Variants in PPP6R2 observed in about 807,000 individuals in gnomAD.
PPP6R2 encodes the protein serine/threonine-protein phosphatase 6 regulatory subunit 2.
In PPP6R2, 62 loss-of-function variants were observed where a neutral mutation model predicts 100.2. The ratio of observed to expected loss-of-function variants is 0.62; its 90% confidence interval spans 0.50 to 0.76. PPP6R2 has a LOEUF of 0.76. Ranked by LOEUF, PPP6R2 falls within the 30% of genes least tolerant of loss-of-function variation. The pLI is 0.00. For synonymous variants in PPP6R2, 525 were observed against 514.7 expected (o/e 1.02, Z -0.27); for missense variants, 1,142 against 1,276.3 (o/e 0.89, Z 1.60).
chr22:50,430,452 A>G (rs931693321), intron 10 of PPP6R2, among the ~76,000 whole-genome samples: 1 of 152,270 alleles, frequency 6.6e-6, no homozygotes, highest in African/African-American at 2.4e-5. Context: ...TTAGAACTGA[A>G]GAATCATAAA....
chr22:50,436,287 G>A, intron 13 of PPP6R2, 80 bp from the exon 14 acceptor site: 1 of 1,272,826 alleles, frequency 7.9e-7, no homozygotes, highest in Middle Eastern at 2.6e-4. Flanking sequence ...GACCCAGGAT[G>A]CACCTGCCGG....
chr22:50,389,638 G>A (rs144900791), intron 2 of PPP6R2, among the ~76,000 whole-genome samples: 2,565 of 149,334 alleles, frequency 0.017, 36 homozygotes, highest in Non-Finnish European at 0.027. Context: ...TCGCTCTGTC[G>A]CCCAGGCTGG....
intron 3 of PPP6R2, among the ~76,000 whole-genome samples, chr22:50,395,924 G>A (rs544819436): frequency 1.3e-5 from 2 of 151,734 alleles, no homozygotes; most frequent in South Asian, 2.1e-4. Context: ...CTCGGGCATC[G>A]TGGCTCATAC....
chr22:50,438,717 GCCCCC>G lies in PPP6R2; in HGVS notation c.2084_2088del (p.Ala695GlyfsTer11). ...TGCACCTGGGGCAGGTGCCCCACCGGCCCCCGGGAAGAAGGAAGCGCCCCCTGTGG... is the reference window on the plus strand; with the variant it reads ...TGCACCTGGGGCAGGTGCCCCACCGGGGGAAGAAGGAAGCGCCCCCTGTGG... On this transcript the variant is annotated frameshift_variant, in exon 19 of 24. Coordinates refer to ENST00000612753, the MANE Select transcript of PPP6R2 (RefSeq NM_001242898.2). LOFTEE classifies it high-confidence loss of function. The G allele has an allele frequency of 6.2e-7, 1 of 1,612,702 alleles. No homozygotes were observed. The highest frequency in any genetic ancestry group is 8.5e-7 in the Non-Finnish European group (1 of 1,179,458).
chr22:50,375,011 A>G (rs1170144335), intron 2 of PPP6R2, among the ~76,000 whole-genome samples: 5 of 152,162 alleles, frequency 3.3e-5, no homozygotes, highest in African/African-American at 7.2e-5. Context: ...GTTAAGGTAA[A>G]GTTAAAAGAT....
intron 2 of PPP6R2, among the ~76,000 whole-genome samples, chr22:50,378,704 A>T (rs2052191396): frequency 7.0e-6 from 1 of 143,174 alleles, no homozygotes; most frequent in Non-Finnish European, 1.5e-5. Flanking sequence ...ACATGGTGAA[A>T]CCCCATCTCT....
At chr22:50,365,561 C>T (rs1940284654) in intron 1 of PPP6R2, among the ~76,000 whole-genome samples, 1 of 151,652 alleles carries the variant, frequency 6.6e-6, no homozygotes, top group African/African-American at 2.4e-5. Flanking sequence ...CGCCTGTAGT[C>T]CCAGCTACTC....
chr22:50,385,922 C>G (rs907637226), intron 2 of PPP6R2, among the ~76,000 whole-genome samples: 3 of 141,892 alleles, frequency 2.1e-5, no homozygotes, highest in African/African-American at 8.0e-5. Context: ...CTCCCCAGTT[C>G]ATGCCATTCT....
rs1429007986 is a variant in PPP6R2 at position 50,343,370 on chromosome 22, T to TCGGTCTCGAGC, written c.-325_-315dup. On this transcript the variant is annotated 5_prime_UTR_variant, in exon 1 of 24. Transcript: ENST00000612753. The stretch of plus-strand genomic sequence containing the variant: ...TCGGAGTGCCGCCCGCGGCCCCGAG[T>TCGGTCTCGAGC]CGGTCTCGAGCCGCCGGCCGGCCGT... The TCGGTCTCGAGC allele has an allele frequency of 1.3e-5, 2 of 149,636 alleles. No homozygotes were observed. Among genetic ancestry groups the TCGGTCTCGAGC allele is most frequent in the South Asian group, 2.0e-4 (1 of 4,968 alleles). The allele number at this position is 149,636 out of a possible 1,614,324, so 9.3% of individuals were successfully genotyped here.
chr22:50,370,608 A>C (rs1421188493), intron 1 of PPP6R2, among the ~76,000 whole-genome samples: 1 of 151,178 alleles, frequency 6.6e-6, no homozygotes, highest in Non-Finnish European at 1.5e-5. Flanking sequence ...TAAAGAAAAA[A>C]GTTTAAAAGT....
At chr22:50,435,543 C>G (rs1259128682) in intron 13 of PPP6R2, among the ~76,000 whole-genome samples, 1 of 152,212 alleles carries the variant, frequency 6.6e-6, no homozygotes, top group Non-Finnish European at 1.5e-5. Flanking sequence ...TTCTTAAGAA[C>G]GCAGTGGGTT....
At chr22:50,430,078 G>A (rs568386581) in intron 10 of PPP6R2, among the ~76,000 whole-genome samples, 2 of 152,350 alleles carry the variant, frequency 1.3e-5, no homozygotes, top group South Asian at 2.1e-4. Context: ...ACAGGCTGCC[G>A]TGGCCCTGGA....
chr22:50,374,045 C>G (rs1020132524), intron 2 of PPP6R2, among the ~76,000 whole-genome samples: 1 of 152,162 alleles, frequency 6.6e-6, no homozygotes, highest in Non-Finnish European at 1.5e-5. Flanking sequence ...CCCACCATGG[C>G]TAATTTAAAA....
intron 2 of PPP6R2, chr22:50,393,531 TG>T (rs2056092661): frequency 2.1e-6 from 2 of 939,346 alleles, no homozygotes; most frequent in East Asian, 1.3e-4. Flanking sequence ...CGCTGGTGGG[TG>T]GGGGACAGTG....
At chr22:50,378,457 A>C (rs1222824736) in intron 2 of PPP6R2, among the ~76,000 whole-genome samples, 1 of 151,904 alleles carries the variant, frequency 6.6e-6, no homozygotes, top group Non-Finnish European at 1.5e-5. Flanking sequence ...GTGGTGGTGC[A>C]TGCCTGTAAT....
chr22:50,346,803 T>A (rs543170214), intron 1 of PPP6R2, among the ~76,000 whole-genome samples: 302 of 93,454 alleles, frequency 3.2e-3, no homozygotes, highest in South Asian at 6.9e-3. Flanking sequence ...GAGTCCCGCA[T>A]CCCTGTCCCC....
At chr22:50,384,892 C>T (rs781091263) in intron 2 of PPP6R2, among the ~76,000 whole-genome samples, 34 of 152,228 alleles carry the variant, frequency 2.2e-4, no homozygotes, top group Non-Finnish European at 1.9e-4. Flanking sequence ...AGGCGCACAG[C>T]ACCATGCTCA....
the PPP6R2 span, among the ~76,000 whole-genome samples, chr22:50,333,360 G>A: frequency 0.027 from 3,893 of 146,868 alleles, 89 homozygotes; most frequent in South Asian, 0.11. Flanking sequence ...TTTTTGAGAC[G>A]GAGTCTCGCT....
chr22:50,370,540 G>A (rs2049909646), intron 1 of PPP6R2, among the ~76,000 whole-genome samples: 1 of 152,148 alleles, frequency 6.6e-6, no homozygotes, highest in Non-Finnish European at 1.5e-5. Flanking sequence ...ACCCGCCTTG[G>A]CCTCCCAAAG....
Sources: gnomAD v4.1 joint callset for allele counts (sites outside exome capture counted in the v4.1 genomes callset) on GRCh38, gnomAD v4.1.1 for gene constraint, MANE v1.5 for transcripts, NCBI Gene and HGNC (gene_info 2026-07-23, HGNC 2026-07-21) for gene names.